PCDH7: variants seen among roughly 807,000 people sequenced by gnomAD.
PCDH7 encodes protocadherin-7.
PCDH7 carries 17 observed loss-of-function variants against 58.9 expected under a neutral mutation model. The observed-to-expected ratio is 0.29, with a 90% CI of 0.20 to 0.43. The LOEUF (loss-of-function observed/expected upper bound fraction) is 0.43, where lower values mean the gene tolerates loss of function less well. Ranked by LOEUF, PCDH7 falls within the 20% of genes least tolerant of loss-of-function variation. The pLI is 1.00. For missense variants in PCDH7, 1,274 were observed against 1,441.0 expected, an observed-to-expected ratio of 0.88 and a Z score of 1.88; for synonymous variants, 664 against 616.4, an observed-to-expected ratio of 1.08 and a Z score of -1.14.
chr4:30,821,194 A>C (rs1170693922), intron 1 of PCDH7, among the ~76,000 whole-genome samples: 1 of 152,092 alleles, frequency 6.6e-6, no homozygotes, highest in Admixed American at 6.6e-5. Flanking sequence ...CACTCTGTTC[A>C]CTCTCAGGTA....
At chr4:30,826,663 G>A (rs1281350627) in intron 1 of PCDH7, among the ~76,000 whole-genome samples, 1 of 152,110 alleles carries the variant, frequency 6.6e-6, no homozygotes, top group Admixed American at 6.5e-5. Context: ...GCTTACAAGA[G>A]GGTGTCATCT....
At chr4:30,837,751 T>C (rs1730683053) in intron 1 of PCDH7, among the ~76,000 whole-genome samples, 2 of 151,764 alleles carry the variant, frequency 1.3e-5, no homozygotes, top group Non-Finnish European at 2.9e-5. Flanking sequence ...CTGGAAACCT[T>C]TATTTTACAA....
At chr4:30,971,103 G>C (rs1578451173) in intron 3 of PCDH7, among the ~76,000 whole-genome samples, 1 of 152,270 alleles carries the variant, frequency 6.6e-6, no homozygotes, top group Non-Finnish European at 1.5e-5. Context: ...GAATTTCCTT[G>C]CCAGAGGTCA....
chr4:31,036,488 T>C (rs953819720), intron 3 of PCDH7, among the ~76,000 whole-genome samples: 6 of 152,132 alleles, frequency 3.9e-5, no homozygotes, highest in African/African-American at 1.2e-4. Context: ...GTGTCCAGCC[T>C]GTAGTTCTTG....
intron 1 of PCDH7, among the ~76,000 whole-genome samples, chr4:30,802,096 A>G (rs1024419254): frequency 2.0e-5 from 3 of 152,132 alleles, no homozygotes; most frequent in Non-Finnish European, 4.4e-5. Context: ...TGTAAAAGTG[A>G]CTCATGGATC....
At chr4:30,907,993 A>T (rs1221067542) in intron 1 of PCDH7, among the ~76,000 whole-genome samples, 2 of 152,152 alleles carry the variant, frequency 1.3e-5, no homozygotes, top group Non-Finnish European at 2.9e-5. Flanking sequence ...GCAAACTATT[A>T]CAAGGACAGA....
At chr4:30,977,154 C>T (rs1437313137) in intron 3 of PCDH7, among the ~76,000 whole-genome samples, 1 of 152,078 alleles carries the variant, frequency 6.6e-6, no homozygotes, top group African/African-American at 2.4e-5. Context: ...GTATGAGAAA[C>T]AATACTTAGC....
intron 3 of PCDH7, among the ~76,000 whole-genome samples, chr4:31,085,910 C>T (rs1712370169): frequency 7.0e-6 from 1 of 143,654 alleles, no homozygotes. Flanking sequence ...CTTTCATTTA[C>T]AAATGACCAT....
chr4:31,145,569 G>C (rs562529926), downstream of PCDH7: 1 of 152,152 alleles, frequency 6.6e-6, no homozygotes, highest in East Asian at 1.9e-4. Context: ...TGGACAATGA[G>C]GGGAAATGGG....
chr4:31,115,585 G>C (rs550598649), intron 3 of PCDH7, among the ~76,000 whole-genome samples: 7 of 152,156 alleles, frequency 4.6e-5, no homozygotes, highest in Admixed American at 1.3e-4. Flanking sequence ...AAAACAGTAG[G>C]ATTCTTGTTT....
intron 1 of PCDH7, among the ~76,000 whole-genome samples, chr4:30,909,397 GT>G (rs1443617331): frequency 6.6e-6 from 1 of 152,126 alleles, no homozygotes; most frequent in Non-Finnish European, 1.5e-5. Flanking sequence ...AATTATCTCT[GT>G]TTGCAGATGA....
At chr4:30,960,821 A>G (rs566533936) in intron 3 of PCDH7, among the ~76,000 whole-genome samples, 1 of 152,322 alleles carries the variant, frequency 6.6e-6, no homozygotes, top group East Asian at 1.9e-4. Context: ...AAATAACACT[A>G]GGACTATAAA....
At chr4:30,781,828 G>A (rs60310358) in intron 1 of PCDH7, among the ~76,000 whole-genome samples, 1,619 of 152,228 alleles carry the variant, frequency 0.011, 23 homozygotes, top group African/African-American at 0.037. Flanking sequence ...GAGCCACCAC[G>A]CCTGGCCTCT....
intron 1 of PCDH7, among the ~76,000 whole-genome samples, chr4:30,843,779 G>A (rs1053853243): frequency 4.6e-5 from 7 of 152,000 alleles, no homozygotes; most frequent in East Asian, 1.9e-4. Context: ...TTATCAGTAC[G>A]AAAATCTATT....
chr4:30,920,421 A>T, intron 2 of PCDH7, 52 bp downstream of exon 2: 1 of 1,283,000 alleles, frequency 7.8e-7, no homozygotes, highest in Non-Finnish European at 1.0e-6. Flanking sequence ...GAGCCGTAAT[A>T]AGTAGACTCG....
At chr4:31,071,738 A>C in intron 3 of PCDH7, among the ~76,000 whole-genome samples, 1 of 151,992 alleles carries the variant, frequency 6.6e-6, no homozygotes, top group East Asian at 1.9e-4. Context: ...CCAGGCAGAG[A>C]TCCCTCGCAT....
intron 3 of PCDH7, among the ~76,000 whole-genome samples, chr4:31,022,205 A>G (rs779947598): frequency 5.9e-5 from 9 of 152,148 alleles, no homozygotes; most frequent in Non-Finnish European, 1.2e-4. Flanking sequence ...TTGGGGATTA[A>G]TAATAATTTT....
chr4:30,862,517 G>T (rs1734331732), intron 1 of PCDH7, among the ~76,000 whole-genome samples: 1 of 152,164 alleles, frequency 6.6e-6, no homozygotes. Context: ...TAAATTGGAA[G>T]TGTGTACATA....
chr4:30,721,594 G>A lies in PCDH7; in HGVS notation c.172G>A (p.Val58Met), dbSNP rs1324879183. ...CAACGTGGCTTCAGACCTGGGCATC[G>A]TGACCGGATCGGGTGAGGTGACTTT... Residue 58 changes from valine (V) to methionine (M), a missense_variant, in exon 1 of 2, where the codon GTG (valine) becomes ATG (methionine). Coordinates refer to ENST00000361762, the Ensembl canonical transcript of PCDH7. This position sits in a 1 kb window ranked among gnomAD's most constrained non-coding sequence, Gnocchi z 6.7. 3 of 1,610,912 alleles carry A rather than the reference G, an allele frequency of 1.9e-6. No homozygotes were observed. Among genetic ancestry groups the A allele is most frequent in the Non-Finnish European group, 2.5e-6 (3 of 1,179,878 alleles).
Sources: allele counts gnomAD v4.1 joint callset (sites outside exome capture counted in the v4.1 genomes callset), GRCh38; gene constraint gnomAD v4.1.1; non-coding constraint Gnocchi (gnomAD v3.1); transcripts MANE v1.5; gene names NCBI Gene and HGNC (gene_info 2026-07-23, HGNC 2026-07-21).